Variants in RAET1G observed in about 807,000 individuals in gnomAD.
RAET1G encodes the protein UL-16 binding protein 5.
A neutral mutation model predicts 29.5 loss-of-function variants in RAET1G; 25 were observed. That is an observed-to-expected ratio of 0.85 (90% confidence interval 0.62 to 1.18). The LOEUF (loss-of-function observed/expected upper bound fraction) is 1.18, where lower values mean the gene tolerates loss of function less well. RAET1G is among the 50% of genes most tolerant of loss of function. The pLI, the probability that RAET1G is intolerant of heterozygous loss-of-function variation, is 0.00. For missense variants in RAET1G, 434 were observed against 423.6 expected, an observed-to-expected ratio of 1.02 and a Z score of -0.22; for synonymous variants, 167 against 159.5, an observed-to-expected ratio of 1.05 and a Z score of -0.36.
rs4870111 is a variant in RAET1G, at chr6:149,918,348, C to T, written c.668G>A (p.Arg223Lys). The change falls in exon 4 of 5, where the codon AGG becomes AAG. Residue 223 changes from arginine (R) to lysine (K), a missense_variant. Arg to Lys is a conservative substitution (Grantham distance 26, BLOSUM62 2). Coordinates refer to ENST00000367360, the MANE Select transcript of RAET1G (RefSeq NM_001001788.4). The part of the protein sequence containing the change: ...PTMSSGTAQP[R>K]ATATTLILCC... ...AAGGATGAGGGTGGTGGCCGTGGCC[C>T]TGGGTTGGGCTGTGCCTGAGGACAT... 0.033 allele frequency: 52,787 copies of T among 1,614,010 alleles called. 1,149 individuals are homozygous for T. The highest frequency in any genetic ancestry group is 0.086 in the Admixed American group (5,143 of 59,998).
In RAET1G at chr6:149,918,228, T is replaced by G. The variant is rs769907372; in HGVS notation, c.788A>C (p.His263Pro). Reference protein sequence around the residue: ...HHPQSLQPPPHPPLLHPTWLL... With the variant: ...HHPQSLQPPPPPPLLHPTWLL... ...CCAGGTAGGATGAAGCAGGGGAGGA[T>G]GAGGAGGAGGCTGCAGGGACTGAGG... The change falls in exon 4 of 5, where the codon CAT (histidine) becomes CCT (proline). Residue 263 changes from histidine (H) to proline (P), a missense_variant. By Grantham distance (77) the His-to-Pro change is moderately conservative. Coordinates refer to ENST00000367360, the MANE Select transcript of RAET1G (RefSeq NM_001001788.4). 6.2e-7 allele frequency: 1 copy of G among 1,613,812 alleles called. No homozygotes were observed. The highest frequency in any genetic ancestry group is 2.2e-5 in the East Asian group (1 of 44,848).
intron 1 of RAET1G, among the ~76,000 whole-genome samples, chr6:149,920,729 A>C (rs1366383160): frequency 6.6e-6 from 1 of 152,196 alleles, no homozygotes; most frequent in African/African-American, 2.4e-5. Context: ...GATGGAAATG[A>C]TTAGAGAAGT....
chr6:149,920,040 C>G (rs186608082), intron 1 of RAET1G, among the ~76,000 whole-genome samples: 91 of 152,292 alleles, frequency 6.0e-4, no homozygotes, highest in African/African-American at 2.0e-3. Context: ...CCACATGTCC[C>G]CAGACATGTC....
In RAET1G at chr6:149,919,167, T is replaced by C; in HGVS notation, c.507A>G (p.Lys169=). The change falls in exon 3 of 5, where the codon AAA becomes AAG. Residue 169 remains lysine, a synonymous_variant. Transcript: ENST00000367360. ...TTVHPGARKM[K]EKWENDKDMT... is the part of the protein sequence containing the mutation. ...TATCCTTGTCATTCTCCCACTTTTC[T>C]TTCATCTTTCTGGCTCCAGGATGAA... The C allele has an allele frequency of 1.9e-6, 3 of 1,614,216 alleles. No individual in the cohort carries two copies. Among genetic ancestry groups the C allele is most frequent in the Non-Finnish European group, 2.5e-6 (3 of 1,180,028 alleles).
At chr6:149,920,634 C>T (rs1778578334) in intron 1 of RAET1G, among the ~76,000 whole-genome samples, 1 of 152,146 alleles carries the variant, frequency 6.6e-6, no homozygotes, top group African/African-American at 2.4e-5. Context: ...CTGAAATGGG[C>T]TCCCAGTAGT....
At chr6:149,921,465 C>A (rs1778599478) in intron 1 of RAET1G, among the ~76,000 whole-genome samples, 1 of 152,226 alleles carries the variant, frequency 6.6e-6, no homozygotes, top group Admixed American at 6.5e-5. Flanking sequence ...TACGGGTGGG[C>A]TCCTCACCCT....
rs1156257382 is a variant in RAET1G, at chr6:149,917,013, T to C, written c.904A>G (p.Ile302Val). Residue 302 changes from isoleucine to valine, a missense_variant, in exon 5 of 5, where the codon ATT becomes GTT. Physicochemically the swap from Ile to Val is conservative, Grantham distance 29. Coordinates refer to ENST00000367360, the MANE Select transcript of RAET1G (RefSeq NM_001001788.4). Reference protein sequence around the residue: ...GHVTRVTLPIIGDDSHSLPCP... With the variant: ...GHVTRVTLPIVGDDSHSLPCP... ...GGTAAGGAGTGTGAGTCGTCTCCAA[T>C]GATAGGTAAAGTCACGCGAGTCACG... is the stretch of plus-strand genomic sequence containing the variant. 5.2e-6 allele frequency: 8 copies of C among 1,550,646 alleles called. No homozygotes were observed. Among genetic ancestry groups the C allele is most frequent in the Non-Finnish European group, 7.0e-6 (8 of 1,146,402 alleles).
In RAET1G at chr6:149,919,759, C is replaced by T. The variant is rs143404631; in HGVS notation, c.143G>A (p.Arg48Gln). The T allele has an allele frequency of 9.6e-5, 155 of 1,612,620 alleles. No homozygotes were observed. In the East Asian group the frequency reaches 2.0e-3, roughly 21 times the overall value. ...TVIPKFRPGP[R>Q]WCAVQGQVDE... ...CACCTGGCCTTGAACCGCACACCACCGTGGTCCAGGTCTGAACTTAGGGAT... is the reference window on the plus strand; with the variant it reads ...CACCTGGCCTTGAACCGCACACCACTGTGGTCCAGGTCTGAACTTAGGGAT... Residue 48 changes from arginine to glutamine, a missense_variant, in exon 2 of 5, where the codon CGG becomes CAG. By Grantham distance (43) the Arg-to-Gln change is conservative. Coordinates refer to ENST00000367360, the MANE Select transcript of RAET1G (RefSeq NM_001001788.4).
chr6:149,922,056 C>G (rs77026774), intron 1 of RAET1G, among the ~76,000 whole-genome samples: 5,146 of 149,716 alleles, frequency 0.034, 42 homozygotes, highest in African/African-American at 0.12. Context: ...TGTCTACACA[C>G]TGACTATTCT....
chr6:149,919,625 C>T lies in RAET1G; in HGVS notation c.277G>A (p.Val93Ile). The change falls in exon 2 of 5, where the codon GTA becomes ATA. Residue 93 changes from valine to isoleucine, a missense_variant. Coordinates refer to ENST00000367360, the MANE Select transcript of RAET1G (RefSeq NM_001001788.4). ...VTTAWKAQNP[V>I]LREVVDILTE... ...AGTATGTCCACCACCTCTCTCAGTACTGGGTTCTGTGCTTTCCAGGCCGTT... is the reference window on the plus strand; with the variant it reads ...AGTATGTCCACCACCTCTCTCAGTATTGGGTTCTGTGCTTTCCAGGCCGTT... The T allele has an allele frequency of 1.2e-6, 2 of 1,614,030 alleles. No individual in the cohort carries two copies. The highest frequency in any genetic ancestry group is 1.7e-6 in the Non-Finnish European group (2 of 1,179,882).
chr6:149,918,903 C>G, intron 3 of RAET1G, 140 bp downstream of exon 3: 3 of 1,410,630 alleles, frequency 2.1e-6, no homozygotes, highest in Non-Finnish European at 2.9e-6. Flanking sequence ...GCCAGCACCC[C>G]CAGGAGGAGC....
Position 149,918,226 on chromosome 6 carries a change from G to C in RAET1G, c.790C>G (p.Pro264Ala), listed in dbSNP as rs1486009219. The change falls in exon 4 of 5, where the codon CCT (proline) becomes GCT (alanine). Residue 264 changes from proline to alanine, a missense_variant. Physicochemically the swap from Pro to Ala is conservative, Grantham distance 27 (BLOSUM62 -1). Transcript: ENST00000367360. ...HPQSLQPPPH[P>A]PLLHPTWLLR... ...AGCCAGGTAGGATGAAGCAGGGGAG[G>C]ATGAGGAGGAGGCTGCAGGGACTGA... 6.2e-7 allele frequency: 1 copy of C among 1,614,168 alleles called. No individual in the cohort carries two copies. The highest frequency in any genetic ancestry group is 1.7e-5 in the Admixed American group (1 of 60,032).
intron 3 of RAET1G, chr6:149,918,727 GAA>G (rs2114647752): frequency 1.7e-6 from 1 of 598,452 alleles, no homozygotes; most frequent in East Asian, 2.8e-5. Context: ...AGGAGGAAAG[GAA>G]AAGTGATTCT....
At chr6:149,922,704 G>A (rs1778622190) in intron 1 of RAET1G, among the ~76,000 whole-genome samples, 1 of 152,318 alleles carries the variant, frequency 6.6e-6, no homozygotes, top group South Asian at 2.1e-4. Context: ...ACTCTCCGGG[G>A]GTTCCTTTCC....
At position 149,919,081 on chromosome 6, in the gene RAET1G, A is replaced by G. The variant is rs1178727275; in HGVS notation, c.593T>C (p.Leu198Ser). 2.2e-5 allele frequency: 36 copies of G among 1,614,112 alleles called. No homozygotes were observed. The highest frequency in any genetic ancestry group is 3.0e-5 in the Non-Finnish European group (35 of 1,180,010). ...CTCCAGGGTGCTGTCCATGCCCATC[A>G]AGAAGTCCTCAAGCCATCCTGTGCA... ...GDCTGWLEDFLMGMDSTLEPS... is the reference protein window; with the variant it reads ...GDCTGWLEDFSMGMDSTLEPS... The change falls in exon 3 of 5, where the codon TTG becomes TCG. Residue 198 changes from leucine (L) to serine (S), a missense_variant. Physicochemically the swap from Leu to Ser is moderately radical, Grantham distance 145. Transcript: ENST00000367360.
In RAET1G at chr6:149,922,955, A is replaced by G; in HGVS notation, c.56T>C (p.Leu19Pro). The change falls in exon 1 of 5, where the codon CTG (leucine) becomes CCG (proline). Residue 19 changes from leucine (L) to proline (P), a missense_variant. Transcript: ENST00000367360. ...FLLRLPLLLLLSSWCRTGLAD... is the reference protein window; with the variant it reads ...FLLRLPLLLLPSSWCRTGLAD... ...CAGCCCGGTCCTGCACCAGCTGGAC[A>G]GCAGGAGCAGAAGCGGGAGGCGTAG... is the stretch of plus-strand genomic sequence containing the variant. The G allele has an allele frequency of 1.2e-6, 2 of 1,604,592 alleles. No homozygotes were observed. The highest frequency in any genetic ancestry group is 2.2e-5 in the East Asian group (1 of 44,550).
At chr6:149,918,927 G>A in intron 3 of RAET1G, 116 bp downstream of exon 3, 1 of 1,530,210 alleles carries the variant, frequency 6.5e-7, no homozygotes, top group South Asian at 1.3e-5. Context: ...CCACGAGGAG[G>A]TCATTTTAAC....
At position 149,919,230 on chromosome 6, in the gene RAET1G, G is replaced by A; in HGVS notation, c.444C>T (p.Phe148=). The change falls in exon 3 of 5, where the codon TTC becomes TTT. Residue 148 remains phenylalanine (F), a synonymous_variant. Transcript: ENST00000367360. ...SWQLSFDGQI[F]LLFDSENRMW... ...TTCTGTTTTCTGAGTCAAAGAGGAG[G>A]AAGATCTGTCCATCGAAACTGAGCT... The A allele has an allele frequency of 6.2e-7, 1 of 1,614,222 alleles. No individual in the cohort carries two copies. The highest frequency in any genetic ancestry group is 8.5e-7 in the Non-Finnish European group (1 of 1,180,038).
Position 149,919,298 on chromosome 6 carries a change from A to T in RAET1G, c.376T>A (p.Ser126Thr), listed in dbSNP as rs745732320. 2.5e-6 allele frequency: 4 copies of T among 1,614,066 alleles called. No homozygotes were observed. Among genetic ancestry groups the T allele is most frequent in the Admixed American group, 3.3e-5 (2 of 60,022 alleles). The stretch of plus-strand genomic sequence containing the variant: ...TGTCCTTCGGCTTTCTGCTCACAAG[A>T]CATCCTGGCCTGCAGGGTGAGGGGT... ...KEPLTLQARM[S>T]CEQKAEGHGS... The change falls in exon 3 of 5, where the codon TCT (serine) becomes ACT (threonine). Residue 126 changes from serine (S) to threonine (T), a missense_variant. By Grantham distance (58) the Ser-to-Thr change is moderately conservative. Transcript: ENST00000367360.
Sources: gnomAD v4.1 joint callset for allele counts (sites outside exome capture counted in the v4.1 genomes callset) on GRCh38, gnomAD v4.1.1 for gene constraint, MANE v1.5 for transcripts, NCBI Gene and HGNC (gene_info 2026-07-23, HGNC 2026-07-21) for gene names.